SSBP2: variants seen among roughly 807,000 people sequenced by gnomAD.
SSBP2 encodes the protein single-stranded DNA-binding protein 2.
In SSBP2, 17 loss-of-function variants were observed where a neutral mutation model predicts 61.8. That is an observed-to-expected ratio of 0.28 (90% CI 0.19 to 0.41). The LOEUF (loss-of-function observed/expected upper bound fraction) is 0.41, where lower values mean the gene tolerates loss of function less well. Ranked by LOEUF, SSBP2 falls within the 10% of genes least tolerant of loss-of-function variation. The pLI is 1.00. For synonymous variants in SSBP2, 139 were observed against 141.3 expected (o/e 0.98, Z 0.12); for missense variants, 310 against 458.7 (o/e 0.68, Z 2.96).
chr5:81,661,825 C>A (rs1185517244), intron 1 of SSBP2, among the ~76,000 whole-genome samples: 3 of 152,156 alleles, frequency 2.0e-5, no homozygotes, highest in Non-Finnish European at 2.9e-5. Context: ...ATTTCTCTTG[C>A]AGAAGCTTTT....
chr5:81,671,838 T>C (rs1331654583), intron 1 of SSBP2, among the ~76,000 whole-genome samples: 2 of 152,082 alleles, frequency 1.3e-5, no homozygotes, highest in African/African-American at 4.8e-5. Context: ...GAAGAAACCA[T>C]GGAAGAGGTT....
At chr5:81,543,268 A>T (rs1387838307) in intron 4 of SSBP2, among the ~76,000 whole-genome samples, 1 of 152,130 alleles carries the variant, frequency 6.6e-6, no homozygotes. Context: ...AAGTCAATTA[A>T]AACTCCTTTG....
At chr5:81,692,869 C>T (rs1339342830) in intron 1 of SSBP2, among the ~76,000 whole-genome samples, 1 of 152,108 alleles carries the variant, frequency 6.6e-6, no homozygotes, top group African/African-American at 2.4e-5. Flanking sequence ...AAATGGATTA[C>T]AGACTTAAAT....
chr5:81,484,839 T>C (rs1766264530), intron 6 of SSBP2, among the ~76,000 whole-genome samples: 1 of 152,186 alleles, frequency 6.6e-6, no homozygotes, highest in Non-Finnish European at 1.5e-5. Context: ...AGTGTGTTTG[T>C]AGAATACCAA....
chr5:81,576,330 T>C (rs534462380), intron 4 of SSBP2, among the ~76,000 whole-genome samples: 1 of 152,228 alleles, frequency 6.6e-6, no homozygotes, highest in South Asian at 2.1e-4. Flanking sequence ...TCTGCTAAAA[T>C]AGCAACATGT....
At chr5:81,698,284 G>A (rs1031345886) in intron 1 of SSBP2, among the ~76,000 whole-genome samples, 2 of 152,174 alleles carry the variant, frequency 1.3e-5, no homozygotes, top group Non-Finnish European at 2.9e-5. Context: ...AATGTAGATT[G>A]TGATGCTATG....
At chr5:81,516,850 G>A (rs1022743417) in intron 4 of SSBP2, among the ~76,000 whole-genome samples, 11 of 151,896 alleles carry the variant, frequency 7.2e-5, no homozygotes, top group South Asian at 2.1e-4. Flanking sequence ...ACATTTCTTC[G>A]GATATGTTGC....
Position 81,414,978 on chromosome 5 carries a change from T to G in SSBP2, c.*5526A>C, listed in dbSNP as rs1431655210. 1 of 152,156 alleles carries G rather than the reference T, an allele frequency of 6.6e-6. No individual in the cohort carries two copies. Among genetic ancestry groups the G allele is most frequent in the Non-Finnish European group, 1.5e-5 (1 of 68,026 alleles). The allele number at this position is 152,156 out of a possible 1,614,324, so 9.4% of individuals were successfully genotyped here. A position where few individuals can be genotyped will look rare whatever the true frequency, so the allele number is the denominator to read the frequency against. On this transcript the variant is annotated 3_prime_UTR_variant, in exon 17 of 17. Transcript: ENST00000320672. ...ATATTTAGTATGCAAAATGGAAGTA[T>G]TATTAATAGTGGTTCACCATTCTTT... is the stretch of plus-strand genomic sequence containing the variant.
At chr5:81,443,472 T>C (rs1763166256) in intron 12 of SSBP2, among the ~76,000 whole-genome samples, 1 of 152,166 alleles carries the variant, frequency 6.6e-6, no homozygotes. Flanking sequence ...AGGCTAAATA[T>C]TTTACATTGA....
At chr5:81,606,715 A>G (rs1157973135) in intron 4 of SSBP2, among the ~76,000 whole-genome samples, 1 of 152,140 alleles carries the variant, frequency 6.6e-6, no homozygotes. Context: ...TACCTCTTGT[A>G]TTTCTCTGTA....
chr5:81,436,771 T>C (rs1353408078), intron 15 of SSBP2, among the ~76,000 whole-genome samples: 3 of 152,180 alleles, frequency 2.0e-5, no homozygotes, highest in Non-Finnish European at 4.4e-5. Context: ...AAATTCATCA[T>C]GACCTAAATA....
At chr5:81,559,126 G>T (rs904391987) in intron 4 of SSBP2, among the ~76,000 whole-genome samples, 1 of 152,034 alleles carries the variant, frequency 6.6e-6, no homozygotes, top group Non-Finnish European at 1.5e-5. Context: ...CGGTGCTCAC[G>T]CCTGTAATCC....
chr5:81,444,979 C>T (rs1260286215), intron 12 of SSBP2, among the ~76,000 whole-genome samples: 1 of 150,478 alleles, frequency 6.6e-6, no homozygotes, highest in Non-Finnish European at 1.5e-5. Context: ...AAAAATTAGC[C>T]GGGCATGGTG....
intron 1 of SSBP2, among the ~76,000 whole-genome samples, chr5:81,738,329 TAA>T (rs1756761102): frequency 6.6e-6 from 1 of 152,244 alleles, no homozygotes; most frequent in Non-Finnish European, 1.5e-5. Flanking sequence ...GCTATTTTTT[TAA>T]AGAGAGAAAT....
At chr5:81,662,421 C>G (rs934105129) in intron 1 of SSBP2, among the ~76,000 whole-genome samples, 2 of 152,152 alleles carry the variant, frequency 1.3e-5, no homozygotes, top group East Asian at 3.9e-4. Flanking sequence ...GAGCTGAGAT[C>G]GTGCCACTGC....
chr5:81,547,535 T>G (rs537024345), intron 4 of SSBP2, among the ~76,000 whole-genome samples: 1 of 152,108 alleles, frequency 6.6e-6, no homozygotes, highest in Non-Finnish European at 1.5e-5. Context: ...GGCACAATCA[T>G]AGCTCACTGC....
At chr5:81,438,804 G>C (rs1324814712) in intron 14 of SSBP2, among the ~76,000 whole-genome samples, 1 of 152,096 alleles carries the variant, frequency 6.6e-6, no homozygotes, top group Non-Finnish European at 1.5e-5. Context: ...CAATAAATTG[G>C]AAAATAAAAT....
At chr5:81,652,444 CAGGGGGTA>C (rs1253565788) in intron 1 of SSBP2, among the ~76,000 whole-genome samples, 2 of 152,164 alleles carry the variant, frequency 1.3e-5, no homozygotes, top group Admixed American at 6.5e-5. Context: ...CTGAGAATAA[CAGGGGGTA>C]AGGGTTTCAA....
intron 12 of SSBP2, among the ~76,000 whole-genome samples, chr5:81,445,144 A>ACATATATATATATG (rs1763307449): frequency 1.8e-5 from 1 of 55,030 alleles, no homozygotes; most frequent in African/African-American, 8.5e-5. Context: ...AATTTTATAT[A>ACATATATATATATG]TATATATATA....
Sources: gnomAD v4.1 joint callset for allele counts (sites outside exome capture counted in the v4.1 genomes callset) on GRCh38, gnomAD v4.1.1 for gene constraint, MANE v1.5 for transcripts, NCBI Gene and HGNC (gene_info 2026-07-23, HGNC 2026-07-21) for gene names.